The following CADM2 variants were observed in gnomAD, a reference collection of about 807,000 sequenced individuals.
CADM2 encodes cell adhesion molecule 2.
A neutral mutation model predicts 49.8 loss-of-function variants in CADM2; 12 were observed. The ratio of observed to expected loss-of-function variants is 0.24; its 90% CI spans 0.15 to 0.39. The LOEUF is 0.39. Ranked by LOEUF, CADM2 falls within the 10% of genes least tolerant of loss-of-function variation. The pLI is 1.00. For synonymous variants in CADM2, 214 were observed against 175.4 expected, an observed-to-expected ratio of 1.22 and a Z score of -1.74; for missense variants, 378 against 492.3, an observed-to-expected ratio of 0.77 and a Z score of 2.20.
At chr3:85,595,048 A>G (rs1014434115) in intron 1 of CADM2, among the ~76,000 whole-genome samples, 1 of 152,078 alleles carries the variant, frequency 6.6e-6, no homozygotes, top group Admixed American at 6.6e-5. Context: ...CTTTCAAGTT[A>G]CATTTAACAA....
chr3:85,720,444 T>C (rs2107764677), intron 1 of CADM2, among the ~76,000 whole-genome samples: 1 of 152,338 alleles, frequency 6.6e-6, no homozygotes, highest in Non-Finnish European at 1.5e-5. Context: ...TTATTTCCTC[T>C]TTGTTTAGTA....
chr3:85,367,880 A>G (rs1195088875), intron 1 of CADM2, among the ~76,000 whole-genome samples: 2 of 152,004 alleles, frequency 1.3e-5, no homozygotes, highest in South Asian at 4.1e-4. Context: ...AGACACGCAG[A>G]TACAGCTGAG....
At chr3:85,753,937 G>C (rs1247036117) in intron 2 of CADM2, among the ~76,000 whole-genome samples, 1 of 152,124 alleles carries the variant, frequency 6.6e-6, no homozygotes, top group Non-Finnish European at 1.5e-5. Context: ...ATTCAAGTGT[G>C]TGGCTTGACC....
intron 1 of CADM2, among the ~76,000 whole-genome samples, chr3:85,544,292 G>T (rs1012408665): frequency 6.6e-6 from 1 of 152,046 alleles, no homozygotes. Flanking sequence ...ATATAAAAAA[G>T]AGGAGGCCGG....
At chr3:85,481,783 T>C (rs531974283) in intron 1 of CADM2, among the ~76,000 whole-genome samples, 1 of 151,746 alleles carries the variant, frequency 6.6e-6, no homozygotes, top group African/African-American at 2.4e-5. Context: ...AACTTTCTTT[T>C]TTCAGATATT....
intron 1 of CADM2, among the ~76,000 whole-genome samples, chr3:85,653,623 A>G (rs938862074): frequency 2.0e-5 from 3 of 152,040 alleles, no homozygotes; most frequent in Non-Finnish European, 4.4e-5. Flanking sequence ...AAATATCCAA[A>G]TGAAGATGTT....
At chr3:85,427,840 A>T (rs568646623) in intron 1 of CADM2, among the ~76,000 whole-genome samples, 2 of 152,206 alleles carry the variant, frequency 1.3e-5, no homozygotes, top group African/African-American at 4.8e-5. Context: ...TAATTCTAAC[A>T]TTAAGGGAAT....
chr3:85,972,039 T>C (rs1726217433), intron 8 of CADM2, among the ~76,000 whole-genome samples: 1 of 151,626 alleles, frequency 6.6e-6, no homozygotes. Flanking sequence ...ATGGGGTTAC[T>C]ATATGACTGT....
chr3:85,914,926 T>A (rs952509476), intron 6 of CADM2, among the ~76,000 whole-genome samples: 1 of 152,178 alleles, frequency 6.6e-6, no homozygotes, highest in South Asian at 2.1e-4. Context: ...GACACAGTAG[T>A]TAATTTTGCT....
At chr3:85,140,098 G>A (rs1444315513) in intron 1 of CADM2, among the ~76,000 whole-genome samples, 1 of 152,066 alleles carries the variant, frequency 6.6e-6, no homozygotes, top group Non-Finnish European at 1.5e-5. Flanking sequence ...TAAGATTCGG[G>A]AGCTGGAAAG....
intron 1 of CADM2, among the ~76,000 whole-genome samples, chr3:85,426,219 G>A (rs998177272): frequency 6.6e-6 from 1 of 151,054 alleles, no homozygotes; most frequent in Non-Finnish European, 1.5e-5. Flanking sequence ...ATGGCTCACT[G>A]CAGCCTCGAC....
At chr3:85,616,372 AAG>A (rs1166029361) in intron 1 of CADM2, among the ~76,000 whole-genome samples, 1 of 152,074 alleles carries the variant, frequency 6.6e-6, no homozygotes, top group Non-Finnish European at 1.5e-5. Context: ...AGAACACTGA[AAG>A]ATAATTTCAA....
intron 1 of CADM2, among the ~76,000 whole-genome samples, chr3:85,487,740 G>A (rs1352458958): frequency 2.7e-5 from 4 of 150,112 alleles, no homozygotes; most frequent in Non-Finnish European, 4.4e-5. Context: ...GTGTGTGTGC[G>A]TGTGTGCGTG....
intron 1 of CADM2, among the ~76,000 whole-genome samples, chr3:85,334,437 G>A (rs1423339348): frequency 6.6e-6 from 1 of 151,460 alleles, no homozygotes; most frequent in East Asian, 1.9e-4. Flanking sequence ...TCAGGGGAAA[G>A]GCACAATAAG....
At chr3:85,363,875 T>C (rs562309248) in intron 1 of CADM2, among the ~76,000 whole-genome samples, 1 of 151,140 alleles carries the variant, frequency 6.6e-6, no homozygotes, top group Non-Finnish European at 1.5e-5. Flanking sequence ...CCTCCTAAAG[T>C]GCTGGGATTA....
rs79863617 is a variant in CADM2 at position 85,537,757 on chromosome 3, A to G, written c.62-188765A>G. 1.5e-4 allele frequency among the ~76,000 whole-genome samples: 18 copies of G among 120,944 alleles called. No homozygotes were observed. In the East Asian group the frequency reaches 2.6e-3, roughly 17 times the overall value. 79.3% of individuals were successfully genotyped at this position (120,944 alleles called of 152,430 possible). ...TCTGAGGACAATGGGATTCTGTGGGAAAAAAAAATGTTACCTATGACTCCA... is the reference window on the plus strand; with the variant it reads ...TCTGAGGACAATGGGATTCTGTGGGGAAAAAAAATGTTACCTATGACTCCA... On this transcript the variant is annotated intron_variant, in intron 1 of 9. Transcript: ENST00000383699.
Position 85,267,575 on chromosome 3 carries a change from T to A in CADM2, c.61+307907T>A, listed in dbSNP as rs1156963497. On this transcript the variant is annotated intron_variant, in intron 1 of 9. Transcript: ENST00000383699. The stretch of plus-strand genomic sequence containing the variant: ...TATTTATTTTACTTATTATATTATC[T>A]TCCTTTCACAAAATAGAAAGTAAGT... Among the ~76,000 whole-genome samples, 7 of 151,802 alleles carry A rather than the reference T, an allele frequency of 4.6e-5. 1 individual carries two copies. The East Asian group carries it at 1.4e-3, about 29-fold the overall frequency.
chr3:85,117,529 A>G (rs977429760), intron 1 of CADM2, among the ~76,000 whole-genome samples: 2 of 152,300 alleles, frequency 1.3e-5, no homozygotes, highest in African/African-American at 4.8e-5. Flanking sequence ...GAATGACACT[A>G]TAAGCCTCAG....
chr3:86,013,395 C>T (rs1443800352), intron 8 of CADM2: 2 of 1,538,754 alleles, frequency 1.3e-6, no homozygotes, highest in Non-Finnish European at 1.8e-6. Context: ...TCTGGATGGA[C>T]AGGAGGCCGA....
Sources: allele counts gnomAD v4.1 joint callset (sites outside exome capture counted in the v4.1 genomes callset), GRCh38; gene constraint gnomAD v4.1.1; transcripts MANE v1.5; gene names NCBI Gene and HGNC (gene_info 2026-07-23, HGNC 2026-07-21).